TACR3: variants seen among roughly 807,000 people sequenced by gnomAD.
TACR3 encodes tachykinin receptor 3.
In TACR3, 34 loss-of-function variants were observed where a neutral mutation model predicts 35.0. That is an observed-to-expected ratio of 0.97 (90% CI 0.74 to 1.30). TACR3 has a LOEUF of 1.30. Ranked by LOEUF, TACR3 falls within the 50% of genes most tolerant of loss-of-function variation. The pLI is 0.00. For synonymous variants in TACR3, 233 were observed against 221.1 expected (o/e 1.05, Z -0.48); for missense variants, 558 against 591.7 (o/e 0.94, Z 0.59).
intron 3 of TACR3, among the ~76,000 whole-genome samples, chr4:103,627,146 C>A (rs1227591302): frequency 2.5e-5 from 3 of 120,852 alleles, no homozygotes; most frequent in East Asian, 5.7e-4. Context: ...CATGCCATTG[C>A]ATTCCAGCCC....
At chr4:103,605,648 G>A (rs570077354) in intron 3 of TACR3, among the ~76,000 whole-genome samples, 2 of 152,020 alleles carry the variant, frequency 1.3e-5, no homozygotes, top group African/African-American at 2.4e-5. Context: ...GTCTGTTCAT[G>A]TCCTTCACCC....
intron 3 of TACR3, among the ~76,000 whole-genome samples, chr4:103,629,966 A>T (rs958374670): frequency 6.6e-6 from 1 of 152,182 alleles, no homozygotes; most frequent in Non-Finnish European, 1.5e-5. Flanking sequence ...TAGCCAAAAC[A>T]GCATGGTACT....
At chr4:103,590,752 C>G (rs528006200) in intron 4 of TACR3, among the ~76,000 whole-genome samples, 30 of 152,274 alleles carry the variant, frequency 2.0e-4, no homozygotes, top group Non-Finnish European at 2.6e-4. Context: ...ACAGGACTTA[C>G]GAGCCCTATG....
intron 1 of TACR3, among the ~76,000 whole-genome samples, chr4:103,695,310 C>A (rs1722497751): frequency 6.6e-6 from 1 of 152,070 alleles, no homozygotes; most frequent in Non-Finnish European, 1.5e-5. Context: ...CCTGTTTCTC[C>A]TTCCACCTCC....
At chr4:103,618,592 G>GCA (rs1724710161) in intron 3 of TACR3, among the ~76,000 whole-genome samples, 3 of 25,192 alleles carry the variant, frequency 1.2e-4, no homozygotes, top group Non-Finnish European at 2.3e-4. Context: ...TTTTTTTTTT[G>GCA]TTCCATATGA....
In TACR3 at chr4:103,678,535, TAA is replaced by T. The variant is rs536143701; in HGVS notation, c.549-20134_549-20133del. On this transcript the variant is annotated intron_variant, in intron 1 of 4. Coordinates refer to ENST00000304883, the MANE Select transcript of TACR3 (RefSeq NM_001059.3). ...TAAAATTGATTTAAGCACAAACTAT[TAA>T]GTTACTTTTTAAAACTTTAAAAATC... Among the ~76,000 whole-genome samples the T allele has an allele frequency of 2.0e-4, 30 of 152,250 alleles. No individual in the cohort carries two copies. The South Asian group carries it at 5.8e-3, about 29-fold the overall frequency.
At chr4:103,681,045 T>C (rs970198197) in intron 1 of TACR3, among the ~76,000 whole-genome samples, 1 of 152,012 alleles carries the variant, frequency 6.6e-6, no homozygotes, top group Non-Finnish European at 1.5e-5. Context: ...TAAACTATTT[T>C]ATTGAAAATA....
intron 1 of TACR3, among the ~76,000 whole-genome samples, chr4:103,700,886 A>C (rs1722635167): frequency 6.6e-6 from 1 of 152,188 alleles, no homozygotes; most frequent in African/African-American, 2.4e-5. Flanking sequence ...TTAGGTATTG[A>C]TGGGACGTAT....
chr4:103,671,099 T>C (rs1726048879), intron 1 of TACR3, among the ~76,000 whole-genome samples: 1 of 152,084 alleles, frequency 6.6e-6, no homozygotes, highest in South Asian at 2.1e-4. Flanking sequence ...TCTGTTGATG[T>C]AATGTTTCAT....
intron 3 of TACR3, among the ~76,000 whole-genome samples, chr4:103,601,886 G>A (rs1273127499): frequency 6.6e-6 from 1 of 152,212 alleles, no homozygotes; most frequent in South Asian, 2.1e-4. Context: ...TTCTTGAGGA[G>A]TATCTTTGTG....
chr4:103,717,467 T>C (rs1723114495), intron 1 of TACR3, among the ~76,000 whole-genome samples: 1 of 152,090 alleles, frequency 6.6e-6, no homozygotes, highest in African/African-American at 2.4e-5. Flanking sequence ...TTATTTAAAA[T>C]AACTCCAAGA....
At chr4:103,702,358 C>T (rs1251908648) in intron 1 of TACR3, among the ~76,000 whole-genome samples, 2 of 152,192 alleles carry the variant, frequency 1.3e-5, no homozygotes, top group Non-Finnish European at 2.9e-5. Flanking sequence ...GAGATACCAT[C>T]TCACACCAGT....
At chr4:103,632,502 C>A (rs1374110791) in intron 3 of TACR3, among the ~76,000 whole-genome samples, 1 of 149,808 alleles carries the variant, frequency 6.7e-6, no homozygotes, top group Non-Finnish European at 1.5e-5. Flanking sequence ...AACACATGGA[C>A]ACAGGAAGGA....
At chr4:103,658,513 T>C (rs1238889224) in intron 1 of TACR3, 110 bp from the exon 2 acceptor site, 4 of 1,036,672 alleles carry the variant, frequency 3.9e-6, no homozygotes, top group African/African-American at 3.2e-5. Flanking sequence ...CATTGCTCTT[T>C]TGGGAAACCA....
chr4:103,711,220 G>A (rs1412734504), intron 1 of TACR3, among the ~76,000 whole-genome samples: 1 of 152,168 alleles, frequency 6.6e-6, no homozygotes, highest in Non-Finnish European at 1.5e-5. Flanking sequence ...TATCCCTGAT[G>A]AACATTGATG....
At chr4:103,627,556 A>C (rs969188817) in intron 3 of TACR3, among the ~76,000 whole-genome samples, 1 of 151,796 alleles carries the variant, frequency 6.6e-6, no homozygotes, top group Non-Finnish European at 1.5e-5. Context: ...TTTTAAAAAA[A>C]GTCTTGGTAA....
intron 1 of TACR3, among the ~76,000 whole-genome samples, chr4:103,658,831 T>G (rs186371693): frequency 6.6e-6 from 1 of 152,202 alleles, no homozygotes; most frequent in Non-Finnish European, 1.5e-5. Flanking sequence ...GCATTACATT[T>G]ATTGCACACT....
intron 1 of TACR3, among the ~76,000 whole-genome samples, chr4:103,666,165 T>C (rs1016024370): frequency 6.6e-6 from 1 of 152,212 alleles, no homozygotes; most frequent in Non-Finnish European, 1.5e-5. Context: ...TATAAAGCTA[T>C]GTACAAGTAA....
intron 1 of TACR3, among the ~76,000 whole-genome samples, chr4:103,716,479 TAGAA>T (rs985553844): frequency 9.2e-5 from 14 of 152,094 alleles, no homozygotes; most frequent in African/African-American, 3.1e-4. Context: ...ATCGTGAAAA[TAGAA>T]AGTAAGTAAT....
Sources: gnomAD v4.1 joint callset for allele counts (sites outside exome capture counted in the v4.1 genomes callset) on GRCh38, gnomAD v4.1.1 for gene constraint, MANE v1.5 for transcripts, NCBI Gene and HGNC (gene_info 2026-07-23, HGNC 2026-07-21) for gene names.